The following RELN variants were observed in gnomAD, a reference collection of about 807,000 sequenced individuals.
The protein encoded by RELN is reelin.
In RELN, 108 loss-of-function variants were observed where a neutral mutation model predicts 427.6. The ratio of observed to expected loss-of-function variants is 0.25; its 90% confidence interval spans 0.22 to 0.30. The LOEUF (loss-of-function observed/expected upper bound fraction) is 0.30. Ranked by LOEUF, RELN falls within the 10% of genes least tolerant of loss-of-function variation. The pLI is 1.00. For missense variants in RELN, 3,715 were observed against 4,302.8 expected (o/e 0.86, Z 3.82); for synonymous variants, 1,524 against 1,513.4 (o/e 1.01, Z -0.16).
rs535041866 is a variant in RELN, at chr7:103,521,097, C to T, written c.7668+925G>A. 3.1e-3 allele frequency among the ~76,000 whole-genome samples: 466 copies of T among 150,074 alleles called. 4 individuals carry two copies. The highest frequency in any genetic ancestry group is 0.011 in the African/African-American group (448 of 40,994). ...GTTCACGCCATTCTCCTGCCTCAGC[C>T]TCCCGAGTAGCTGGGACTACAGGCG... On this transcript the variant is annotated intron_variant, in intron 48 of 64. Transcript: ENST00000428762.
intron 63 of RELN, 176 bp from the exon 64 acceptor site, chr7:103,478,570 C>CGGCGA: frequency 1.6e-6 from 1 of 636,730 alleles, no homozygotes; most frequent in East Asian, 2.8e-5. Context: ...TTCTTCTATA[C>CGGCGA]CCAAGATCTA....
intron 24 of RELN, among the ~76,000 whole-genome samples, chr7:103,596,955 G>A (rs768031340): frequency 1.4e-4 from 22 of 152,048 alleles, no homozygotes; most frequent in Non-Finnish European, 2.4e-4. Context: ...AAATTTTAAC[G>A]AAAACACTCT....
At chr7:103,550,188 T>C (rs1343872642) in intron 41 of RELN, among the ~76,000 whole-genome samples, 1 of 152,234 alleles carries the variant, frequency 6.6e-6, no homozygotes, top group Admixed American at 6.5e-5. Context: ...GATAGATTCA[T>C]GTTCAAAGAG....
At chr7:103,979,789 A>T (rs947780181) in intron 1 of RELN, among the ~76,000 whole-genome samples, 5 of 152,250 alleles carry the variant, frequency 3.3e-5, no homozygotes, top group African/African-American at 4.8e-5. Flanking sequence ...GTCCCTCCCC[A>T]CCTACATTTT....
At chr7:103,661,066 G>T (rs779971189) in intron 12 of RELN, among the ~76,000 whole-genome samples, 1 of 152,068 alleles carries the variant, frequency 6.6e-6, no homozygotes, top group African/African-American at 2.4e-5. Flanking sequence ...AAAAGAAATC[G>T]CTTTGTTTTA....
At chr7:103,787,995 T>C (rs1792062929) in intron 3 of RELN, among the ~76,000 whole-genome samples, 1 of 152,176 alleles carries the variant, frequency 6.6e-6, no homozygotes, top group South Asian at 2.1e-4. Context: ...CATGATCAAG[T>C]GGGCTTCATC....
chr7:103,845,195 CCT>C (rs944343764), intron 2 of RELN, among the ~76,000 whole-genome samples: 6 of 151,162 alleles, frequency 4.0e-5, no homozygotes, highest in African/African-American at 1.2e-4. Flanking sequence ...TCACTCTCAT[CCT>C]CTTTTTTTTA....
chr7:103,789,409 C>T (rs1234935248), intron 3 of RELN, among the ~76,000 whole-genome samples: 1 of 152,082 alleles, frequency 6.6e-6, no homozygotes, highest in Admixed American at 6.5e-5. Flanking sequence ...AGGCAACTTA[C>T]AGAATGGGAG....
chr7:103,646,767 T>C (rs1471394722), intron 16 of RELN, among the ~76,000 whole-genome samples: 1 of 152,060 alleles, frequency 6.6e-6, no homozygotes, highest in Non-Finnish European at 1.5e-5. Context: ...TAACTCATTC[T>C]ATGAAGTCAG....
intron 46 of RELN, among the ~76,000 whole-genome samples, chr7:103,525,376 A>G (rs909501634): frequency 1.3e-5 from 2 of 152,168 alleles, no homozygotes; most frequent in Non-Finnish European, 2.9e-5. Context: ...AGTTATAAGG[A>G]GAGCAGGGTT....
At chr7:103,742,314 A>T (rs540392648) in intron 6 of RELN, among the ~76,000 whole-genome samples, 7 of 152,264 alleles carry the variant, frequency 4.6e-5, no homozygotes, top group African/African-American at 1.4e-4. Context: ...CAAAGATGGG[A>T]AAAAAACAGA....
intron 50 of RELN, among the ~76,000 whole-genome samples, chr7:103,511,752 G>C (rs1829425047): frequency 6.6e-6 from 1 of 152,134 alleles, no homozygotes; most frequent in South Asian, 2.1e-4. Flanking sequence ...CAGCTACTTA[G>C]GAGGCTGCTT....
chr7:103,651,815 C>T (rs770614437), intron 14 of RELN, 26 bp from the exon 15 acceptor site: 22 of 1,608,834 alleles, frequency 1.4e-5, no homozygotes, highest in Non-Finnish European at 1.7e-5. Flanking sequence ...CAAGCACACA[C>T]AAAAGGTGGG....
intron 19 of RELN, among the ~76,000 whole-genome samples, chr7:103,631,142 T>A (rs1832455031): frequency 6.6e-6 from 1 of 151,982 alleles, no homozygotes; most frequent in African/African-American, 2.4e-5. Flanking sequence ...CTAACATGAC[T>A]ATCACCATTG....
chr7:103,611,286 A>G (rs1326860368), intron 21 of RELN, among the ~76,000 whole-genome samples: 1 of 152,220 alleles, frequency 6.6e-6, no homozygotes, highest in Non-Finnish European at 1.5e-5. Flanking sequence ...ACAGATGAAG[A>G]CACATTTATA....
At chr7:103,921,245 A>ATAT (rs1795611026) in intron 1 of RELN, among the ~76,000 whole-genome samples, 5 of 152,326 alleles carry the variant, frequency 3.3e-5, no homozygotes, top group Admixed American at 1.3e-4. Context: ...ATGGGATAAC[A>ATAT]CCCACAAGTT....
chr7:103,737,147 C>T (rs1417256750), intron 6 of RELN, among the ~76,000 whole-genome samples: 6 of 152,082 alleles, frequency 3.9e-5, no homozygotes, highest in East Asian at 1.9e-4. Context: ...CACAGATATA[C>T]GAGAGGTTCT....
intron 28 of RELN, among the ~76,000 whole-genome samples, chr7:103,589,300 T>C (rs1831354531): frequency 6.6e-6 from 1 of 152,236 alleles, no homozygotes; most frequent in Non-Finnish European, 1.5e-5. Flanking sequence ...TATTTCTTTA[T>C]GTATACATTT....
At chr7:103,580,154 G>GT (rs1198076534) in intron 28 of RELN, among the ~76,000 whole-genome samples, 1 of 152,208 alleles carries the variant, frequency 6.6e-6, no homozygotes, top group Non-Finnish European at 1.5e-5. Flanking sequence ...TTATAAGCAT[G>GT]TTTGCCTCAT....
Sources: gnomAD v4.1 joint callset for allele counts (sites outside exome capture counted in the v4.1 genomes callset) on GRCh38, gnomAD v4.1.1 for gene constraint, MANE v1.5 for transcripts, NCBI Gene and HGNC (gene_info 2026-07-23, HGNC 2026-07-21) for gene names.